The following CNTN5 variants were observed in gnomAD, a reference collection of about 807,000 sequenced individuals.
The protein encoded by CNTN5 is contactin-5.
A neutral mutation model predicts 129.1 loss-of-function variants in CNTN5; 77 were observed. The observed-to-expected ratio is 0.60, with a 90% CI of 0.50 to 0.72. The LOEUF (loss-of-function observed/expected upper bound fraction) is 0.72, where lower values mean the gene tolerates loss of function less well. Ranked by LOEUF, CNTN5 falls within the 30% of genes least tolerant of loss-of-function variation. CNTN5 has a pLI of 0.00. For synonymous variants in CNTN5, 509 were observed against 465.6 expected (o/e 1.09, Z -1.20); for missense variants, 1,478 against 1,328.8 (o/e 1.11, Z -1.75).
At chr11:100,208,378 G>C (rs1948958043) in intron 15 of CNTN5, among the ~76,000 whole-genome samples, 1 of 152,056 alleles carries the variant, frequency 6.6e-6, no homozygotes, top group Non-Finnish European at 1.5e-5. Flanking sequence ...GGCATCATCT[G>C]GCCATTGGCT....
intron 18 of CNTN5, among the ~76,000 whole-genome samples, chr11:100,288,020 C>G (rs1203194866): frequency 6.6e-6 from 1 of 152,012 alleles, no homozygotes; most frequent in Non-Finnish European, 1.5e-5. Context: ...AAGGCCATTA[C>G]ATAATGGTAA....
At chr11:100,065,635 C>A (rs1042135892) in intron 10 of CNTN5, among the ~76,000 whole-genome samples, 5 of 152,026 alleles carry the variant, frequency 3.3e-5, no homozygotes, top group African/African-American at 1.2e-4. Context: ...CAGAATCCAA[C>A]TGAAACTGGC....
chr11:99,534,509 ATAGT>A (rs56388504), intron 2 of CNTN5, among the ~76,000 whole-genome samples: 37,639 of 152,006 alleles, frequency 0.25, 5,113 homozygotes, highest in Non-Finnish European at 0.31. Context: ...AAATTTGGGC[ATAGT>A]TAGAATAATT....
intron 6 of CNTN5, among the ~76,000 whole-genome samples, chr11:99,855,726 A>G (rs1948012062): frequency 6.6e-6 from 1 of 152,212 alleles, no homozygotes; most frequent in African/African-American, 2.4e-5. Flanking sequence ...CATATGGAAT[A>G]TAGTCAGCAT....
intron 2 of CNTN5, among the ~76,000 whole-genome samples, chr11:99,532,179 G>T (rs1201997578): frequency 6.6e-6 from 1 of 152,142 alleles, no homozygotes; most frequent in South Asian, 2.1e-4. Context: ...TTGCATCAGC[G>T]TGACCTGGTT....
At chr11:99,138,881 T>C (rs2135455604) in intron 1 of CNTN5, among the ~76,000 whole-genome samples, 1 of 152,258 alleles carries the variant, frequency 6.6e-6, no homozygotes, top group Non-Finnish European at 1.5e-5. Context: ...CTCGAGAAGA[T>C]TTTCTTTACT....
intron 3 of CNTN5, among the ~76,000 whole-genome samples, chr11:99,776,357 G>A (rs754678945): frequency 6.6e-6 from 1 of 151,778 alleles, no homozygotes; most frequent in Non-Finnish European, 1.5e-5. Context: ...TAAAGAAATC[G>A]ATTTCAAAAT....
chr11:100,330,653 G>A (rs1951888067), intron 21 of CNTN5, among the ~76,000 whole-genome samples: 1 of 149,326 alleles, frequency 6.7e-6, no homozygotes, highest in African/African-American at 2.6e-5. Flanking sequence ...CAAGCTAGAA[G>A]GAATTGGAGT....
At chr11:99,790,124 C>T (rs1388956729) in intron 3 of CNTN5, among the ~76,000 whole-genome samples, 1 of 151,918 alleles carries the variant, frequency 6.6e-6, no homozygotes, top group African/African-American at 2.4e-5. Context: ...GACATGATTT[C>T]ATTATTTTCT....
In CNTN5 at chr11:99,243,277, CTTTT is replaced by C. The variant is rs1344108849; in HGVS notation, c.-209-82068_-209-82065del. 3.5e-4 allele frequency among the ~76,000 whole-genome samples: 53 copies of C among 151,796 alleles called. 1 individual carries two copies. Among genetic ancestry groups the C allele is most frequent in the Non-Finnish European group, 2.9e-5 (2 of 67,868 alleles). ...TATTTGTTGATCACTTATATGACTT[CTTTT>C]GTCTTTTGCCCATTTTTTAATGGGA... is the stretch of plus-strand genomic sequence containing the variant. On this transcript the variant is annotated intron_variant, in intron 1 of 24. Transcript: ENST00000524871.
At chr11:99,054,091 T>C (rs1163734563) in intron 1 of CNTN5, among the ~76,000 whole-genome samples, 2 of 151,994 alleles carry the variant, frequency 1.3e-5, no homozygotes, top group Non-Finnish European at 2.9e-5. Flanking sequence ...TTAATATAAA[T>C]ACATGTAAGA....
At chr11:99,754,368 A>C (rs1944342807) in intron 3 of CNTN5, among the ~76,000 whole-genome samples, 1 of 152,060 alleles carries the variant, frequency 6.6e-6, no homozygotes, top group Admixed American at 6.6e-5. Context: ...TTCCCTCTCA[A>C]ACTATTTTTT....
intron 2 of CNTN5, among the ~76,000 whole-genome samples, chr11:99,495,909 T>C (rs1325969550): frequency 6.6e-6 from 1 of 152,098 alleles, no homozygotes; most frequent in Non-Finnish European, 1.5e-5. Flanking sequence ...GAAGAAAATG[T>C]TTAGTTTATT....
At chr11:100,325,065 A>C (rs1414166508) in intron 21 of CNTN5, among the ~76,000 whole-genome samples, 1 of 152,102 alleles carries the variant, frequency 6.6e-6, no homozygotes, top group Non-Finnish European at 1.5e-5. Flanking sequence ...AGATGAACTA[A>C]ATTGACGCAA....
chr11:100,201,928 A>G (rs891749840), intron 15 of CNTN5, among the ~76,000 whole-genome samples: 2 of 151,996 alleles, frequency 1.3e-5, no homozygotes, highest in African/African-American at 4.8e-5. Flanking sequence ...CATAGAGATG[A>G]TTAGTGTACA....
chr11:99,666,055 C>T (rs1421169209), intron 3 of CNTN5, among the ~76,000 whole-genome samples: 1 of 152,028 alleles, frequency 6.6e-6, no homozygotes, highest in African/African-American at 2.4e-5. Context: ...ATCTCCACCT[C>T]CCAGGTTCAA....
At chr11:100,171,479 A>C (rs1947824436) in intron 13 of CNTN5, among the ~76,000 whole-genome samples, 1 of 152,054 alleles carries the variant, frequency 6.6e-6, no homozygotes, top group Non-Finnish European at 1.5e-5. Flanking sequence ...ATTAAGAAAT[A>C]CTGTCAGGCT....
rs978757820 is a variant in CNTN5, at chr11:100,357,194, T to C, written c.*974T>C. Reference sequence around the variant, plus strand: ...AATTTGTTGTGCAAATAATTATGCATAGTCTGTAGATTAAAATGGTTCAAG... The same window carrying C: ...AATTTGTTGTGCAAATAATTATGCACAGTCTGTAGATTAAAATGGTTCAAG... On this transcript the variant is annotated 3_prime_UTR_variant, in exon 25 of 25. Transcript: ENST00000524871. 10 of 151,922 alleles carry C rather than the reference T, an allele frequency of 6.6e-5. No individual in the cohort carries two copies. Among genetic ancestry groups the C allele is most frequent in the African/African-American group, 2.4e-4 (10 of 41,542 alleles). The allele number at this position is 151,922 out of a possible 1,614,324, so 9.4% of individuals were successfully genotyped here.
At chr11:99,119,133 C>T (rs1401086776) in intron 1 of CNTN5, among the ~76,000 whole-genome samples, 2 of 152,038 alleles carry the variant, frequency 1.3e-5, no homozygotes, top group Non-Finnish European at 2.9e-5. Context: ...TTATCAATCT[C>T]GCTTTATTTA....
Sources: allele counts gnomAD v4.1 joint callset (sites outside exome capture counted in the v4.1 genomes callset), GRCh38; gene constraint gnomAD v4.1.1; transcripts MANE v1.5; gene names NCBI Gene and HGNC (gene_info 2026-07-23, HGNC 2026-07-21).